USP15: variants seen among roughly 807,000 people sequenced by gnomAD.
USP15 encodes the protein ubiquitin carboxyl-terminal hydrolase 15.
A neutral mutation model predicts 127.1 loss-of-function variants in USP15; 18 were observed. The ratio of observed to expected loss-of-function variants is 0.14; its 90% CI spans 0.10 to 0.21. USP15 has a LOEUF of 0.21. Ranked by LOEUF, USP15 falls within the 10% of genes least tolerant of loss-of-function variation. The pLI, the probability that USP15 is intolerant of heterozygous loss-of-function variation, is 1.00. For synonymous variants in USP15, 364 were observed against 393.7 expected, an observed-to-expected ratio of 0.92 and a Z score of 0.89; for missense variants, 805 against 1,159.9, an observed-to-expected ratio of 0.69 and a Z score of 4.44.
At chr12:62,274,412 G>GAAA (rs2063423442) in intron 1 of USP15, 1 of 117,286 alleles carries the variant, frequency 8.5e-6, no homozygotes, top group African/African-American at 3.0e-5. Context: ...GTACAAATCA[G>GAAA]CAACAACAAA....
chr12:62,385,559 A>G (rs373487423), intron 11 of USP15, among the ~76,000 whole-genome samples: 10 of 152,002 alleles, frequency 6.6e-5, no homozygotes, highest in African/African-American at 2.2e-4. Context: ...GAACTCATTG[A>G]ACACAATGCC....
chr12:62,314,532 A>T (rs2064776791), intron 3 of USP15, among the ~76,000 whole-genome samples: 1 of 151,944 alleles, frequency 6.6e-6, no homozygotes, highest in South Asian at 2.1e-4. Context: ...GATCAATAGA[A>T]TGCCTTTCCA....
chr12:62,328,030 A>AT (rs1461411672), intron 6 of USP15, among the ~76,000 whole-genome samples: 1 of 152,210 alleles, frequency 6.6e-6, no homozygotes, highest in East Asian at 1.9e-4. Flanking sequence ...TTCTAACTTG[A>AT]TACATCCTGT....
intron 3 of USP15, among the ~76,000 whole-genome samples, chr12:62,307,984 A>G (rs2064536389): frequency 6.6e-6 from 1 of 152,074 alleles, no homozygotes; most frequent in African/African-American, 2.4e-5. Context: ...GTTCTATTTT[A>G]TTATTAGCTA....
In USP15 at chr12:62,336,427, CTT is replaced by C. The variant is rs2065468289; in HGVS notation, c.683+10495_683+10496del. Reference sequence around the variant, plus strand: ...GAGTTCCTCCTCCAGCCTTTCTTCTCTTGTCTAGTTAGTCAGCAAGTCTTGCA... The same window carrying C: ...GAGTTCCTCCTCCAGCCTTTCTTCTCGTCTAGTTAGTCAGCAAGTCTTGCA... On this transcript the variant is annotated intron_variant, in intron 6 of 21. Coordinates refer to ENST00000280377, the MANE Select transcript of USP15 (RefSeq NM_001252078.2). The C allele has an allele frequency of 1.8e-5, 18 of 985,452 alleles. No individual in the cohort carries two copies. In the South Asian group the frequency reaches 4.7e-4, roughly 26 times the overall value. 61.0% of individuals were successfully genotyped at this position (985,452 alleles called of 1,614,324 possible). A position where few individuals can be genotyped will look rare whatever the true frequency, so the allele number is the denominator to read the frequency against.
intron 7 of USP15, 63 bp from the exon 8 acceptor site, chr12:62,355,268 A>T (rs2066085263): frequency 2.9e-6 from 4 of 1,375,018 alleles, no homozygotes; most frequent in Non-Finnish European, 3.9e-6. Flanking sequence ...GGCCTAAAGT[A>T]CTCTTTATTA....
chr12:62,370,608 T>A (rs1157211323), intron 8 of USP15, among the ~76,000 whole-genome samples: 2 of 152,226 alleles, frequency 1.3e-5, no homozygotes, highest in Admixed American at 6.5e-5. Flanking sequence ...AATACTGTTA[T>A]CATTACTGTT....
At chr12:62,391,955 T>C in intron 17 of USP15, 69 bp downstream of exon 17, 4 of 1,371,942 alleles carry the variant, frequency 2.9e-6, no homozygotes, top group Non-Finnish European at 4.0e-6. Context: ...GAGATAATCA[T>C]ACTGTTGTGT....
intron 6 of USP15, 79 bp downstream of exon 6, chr12:62,326,012 A>T: frequency 2.4e-6 from 3 of 1,263,736 alleles, no homozygotes; most frequent in Non-Finnish European, 3.4e-6. Flanking sequence ...ACAATGATAG[A>T]AGAACCTAGA....
intron 6 of USP15, chr12:62,336,372 C>G: frequency 3.0e-6 from 3 of 985,404 alleles, no homozygotes; most frequent in Non-Finnish European, 3.6e-6. Flanking sequence ...CCTGTATTGC[C>G]TATTTCAAGT....
At chr12:62,379,432 A>C (rs2066923676) in intron 8 of USP15, among the ~76,000 whole-genome samples, 1 of 152,156 alleles carries the variant, frequency 6.6e-6, no homozygotes, top group Admixed American at 6.5e-5. Context: ...GCAAGGAAGC[A>C]ACATGATGAG....
chr12:62,296,649 T>TGGACCAG (rs1188343182), intron 2 of USP15, among the ~76,000 whole-genome samples: 1 of 152,250 alleles, frequency 6.6e-6, no homozygotes, highest in Admixed American at 6.5e-5. Context: ...GAAGTAACAA[T>TGGACCAG]GGACCAGACT....
intron 6 of USP15, among the ~76,000 whole-genome samples, chr12:62,344,641 T>C (rs1192272436): frequency 6.6e-6 from 1 of 152,196 alleles, no homozygotes; most frequent in Non-Finnish European, 1.5e-5. Context: ...CATATTTCCC[T>C]TCCTGGCTGC....
intron 6 of USP15, 30 bp downstream of exon 6, chr12:62,325,963 G>A (rs751344654): frequency 6.3e-7 from 1 of 1,585,250 alleles, no homozygotes; most frequent in African/African-American, 1.4e-5. Context: ...ATGGCTTATT[G>A]TATGATTTTG....
intron 1 of USP15, among the ~76,000 whole-genome samples, chr12:62,273,266 C>A (rs1416324045): frequency 6.6e-6 from 1 of 151,786 alleles, no homozygotes; most frequent in Non-Finnish European, 1.5e-5. Flanking sequence ...CTATATAGGG[C>A]CCTCATTATA....
intron 11 of USP15, among the ~76,000 whole-genome samples, chr12:62,387,226 G>C (rs1327231672): frequency 6.6e-6 from 1 of 152,138 alleles, no homozygotes; most frequent in Non-Finnish European, 1.5e-5. Context: ...TGGACAATCA[G>C]CTCTATGAAA....
intron 8 of USP15, among the ~76,000 whole-genome samples, chr12:62,357,269 G>C (rs1001512711): frequency 3.9e-5 from 6 of 151,950 alleles, no homozygotes; most frequent in Non-Finnish European, 8.8e-5. Context: ...CATCTGTTTA[G>C]TATTGTCTGC....
intron 8 of USP15, among the ~76,000 whole-genome samples, chr12:62,356,919 T>A (rs1191504371): frequency 6.6e-6 from 1 of 152,010 alleles, no homozygotes; most frequent in Non-Finnish European, 1.5e-5. Context: ...ACATGTTTTA[T>A]GTAAATTGTG....
At chr12:62,321,161 T>C (rs1414557641) in intron 4 of USP15, among the ~76,000 whole-genome samples, 1 of 152,116 alleles carries the variant, frequency 6.6e-6, no homozygotes, top group Non-Finnish European at 1.5e-5. Context: ...TGAATTATAG[T>C]ATGTTAAAAT....
Sources: gnomAD v4.1 joint callset for allele counts (sites outside exome capture counted in the v4.1 genomes callset) on GRCh38, gnomAD v4.1.1 for gene constraint, MANE v1.5 for transcripts, NCBI Gene and HGNC (gene_info 2026-07-23, HGNC 2026-07-21) for gene names.